Variants in USP7 observed in about 807,000 individuals in gnomAD.
The protein encoded by USP7 is ubiquitin C-terminal hydrolase 7.
USP7 carries 9 observed loss-of-function variants against 162.9 expected under a neutral mutation model. The observed-to-expected ratio is 0.06, with a 90% confidence interval of 0.03 to 0.10. The LOEUF (loss-of-function observed/expected upper bound fraction) is 0.10, where lower values mean the gene tolerates loss of function less well. USP7 is among the 10% of genes least tolerant of loss of function. The probability of loss-of-function intolerance (pLI) is 1.00; values close to 1 mark genes in which losing one functional copy is unlikely to be tolerated. For missense variants in USP7, 715 were observed against 1,373.7 expected (o/e 0.52, Z 7.58); for synonymous variants, 562 against 475.9 (o/e 1.18, Z -2.35).
intron 8 of USP7, 101 bp from the exon 9 acceptor site, chr16:8,915,626 T>C (rs1194413699): frequency 2.8e-6 from 3 of 1,066,320 alleles, no homozygotes; most frequent in African/African-American, 1.6e-5. Flanking sequence ...AAAGAAGTTG[T>C]AGACTATAAA....
intron 5 of USP7, 52 bp downstream of exon 5, chr16:8,920,307 C>T: frequency 6.7e-7 from 1 of 1,489,562 alleles, no homozygotes; most frequent in Non-Finnish European, 9.2e-7. Context: ...AAGCTTCTTT[C>T]ACTGCAGCAC....
chr16:8,904,190 C>A (rs779175726), intron 15 of USP7, among the ~76,000 whole-genome samples: 3 of 152,230 alleles, frequency 2.0e-5, no homozygotes, highest in African/African-American at 4.8e-5. Flanking sequence ...AGGAACTACT[C>A]TGGGACTGTG....
At position 8,898,658 on chromosome 16, in the gene USP7, T is replaced by C. The variant is rs370122792; in HGVS notation, c.2532-19A>G. ...CCTATAACTACACAAGAAAACAGCATATAAATAAATGACTTGTTTATTTGC... is the reference window on the plus strand; with the variant it reads ...CCTATAACTACACAAGAAAACAGCACATAAATAAATGACTTGTTTATTTGC... On this transcript the variant is annotated intron_variant, in intron 23 of 30. Transcript: ENST00000344836. The C allele has an allele frequency of 9.2e-5, 141 of 1,537,962 alleles. No homozygotes were observed. In the African/African-American group the frequency reaches 1.7e-3, roughly 19 times the overall value.
At chr16:8,906,316 T>C in intron 13 of USP7, 110 bp downstream of exon 13, 1 of 1,259,632 alleles carries the variant, frequency 7.9e-7, no homozygotes, top group South Asian at 1.6e-5. Context: ...AATACATAGA[T>C]CAGTTAGGGG....
intron 12 of USP7, among the ~76,000 whole-genome samples, chr16:8,906,989 A>C (rs574797966): frequency 6.6e-5 from 10 of 152,360 alleles, no homozygotes; most frequent in African/African-American, 2.2e-4. Context: ...TGGCTCTACA[A>C]ATTTTGATTT....
At chr16:8,948,750 A>T (rs990836272) in intron 1 of USP7, among the ~76,000 whole-genome samples, 3 of 152,034 alleles carry the variant, frequency 2.0e-5, no homozygotes, top group African/African-American at 7.2e-5. Context: ...CACAACGATA[A>T]AAGCAGCCAA....
intron 1 of USP7, among the ~76,000 whole-genome samples, chr16:8,941,594 A>C (rs1002886065): frequency 1.3e-5 from 2 of 152,218 alleles, no homozygotes; most frequent in African/African-American, 4.8e-5. Flanking sequence ...AGTGTAAATA[A>C]GTTAGTCTGC....
intron 1 of USP7, among the ~76,000 whole-genome samples, chr16:8,949,292 G>A (rs1395374141): frequency 2.6e-5 from 4 of 152,122 alleles, no homozygotes; most frequent in African/African-American, 4.8e-5. Flanking sequence ...ATTTAACATC[G>A]TGGCACGTTC....
chr16:8,902,830 G>A (rs2061797236), intron 16 of USP7, among the ~76,000 whole-genome samples: 1 of 152,174 alleles, frequency 6.6e-6, no homozygotes, highest in East Asian at 1.9e-4. Context: ...GGAGGTTGCA[G>A]TGAGCCAAGA....
intron 1 of USP7, among the ~76,000 whole-genome samples, chr16:8,943,615 C>T (rs78932417): frequency 0.046 from 6,944 of 152,150 alleles, 215 homozygotes; most frequent in Middle Eastern, 0.14. Context: ...GCTGGATTAA[C>T]GGTGAAAAGC....
chr16:8,945,493 T>G (rs892665454), intron 1 of USP7, among the ~76,000 whole-genome samples: 2 of 152,210 alleles, frequency 1.3e-5, no homozygotes, highest in Non-Finnish European at 2.9e-5. Flanking sequence ...CAGTTCAACC[T>G]ATAAACCAAC....
At chr16:8,894,702 T>C (rs976661525) in intron 29 of USP7, 62 bp from the exon 30 acceptor site, 17 of 1,611,670 alleles carry the variant, frequency 1.1e-5, no homozygotes, top group Admixed American at 1.7e-5. Context: ...CTCACATCTC[T>C]GGCAAAAAAG....
At chr16:8,915,832 T>C (rs1897340762) in intron 8 of USP7, among the ~76,000 whole-genome samples, 1 of 152,224 alleles carries the variant, frequency 6.6e-6, no homozygotes, top group Non-Finnish European at 1.5e-5. Context: ...AATTGTTCAC[T>C]AAACTTAACT....
At chr16:8,932,295 T>C (rs1485567575) in intron 1 of USP7, among the ~76,000 whole-genome samples, 2 of 152,224 alleles carry the variant, frequency 1.3e-5, no homozygotes, top group African/African-American at 4.8e-5. Context: ...GTCCGACCCG[T>C]GGCTCACTGC....
At chr16:8,926,430 G>C (rs551183184) in intron 2 of USP7, among the ~76,000 whole-genome samples, 1 of 152,288 alleles carries the variant, frequency 6.6e-6, no homozygotes, top group Admixed American at 6.5e-5. Flanking sequence ...ACTGAGCTGA[G>C]ATCATGGCAT....
At chr16:8,956,248 A>C (rs1165523785) in intron 1 of USP7, 1 of 152,128 alleles carries the variant, frequency 6.6e-6, no homozygotes, top group Admixed American at 6.6e-5. Context: ...TTCACAAGGG[A>C]GCCTCCTTCC....
chr16:8,900,698 TC>T, intron 20 of USP7, 68 bp from the exon 21 acceptor site: 5 of 1,170,580 alleles, frequency 4.3e-6, no homozygotes, highest in Non-Finnish European at 6.2e-6. Context: ...CAGATAGTCT[TC>T]CATGTACTTA....
intron 1 of USP7, chr16:8,949,713 T>C (rs999834986): frequency 6.6e-6 from 1 of 152,318 alleles, no homozygotes; most frequent in Admixed American, 6.5e-5. Context: ...CCCTCATTAT[T>C]TGCTCATATG....
At chr16:8,901,949 A>G in intron 18 of USP7, 133 bp downstream of exon 18, 1 of 753,614 alleles carries the variant, frequency 1.3e-6, no homozygotes, top group South Asian at 1.8e-5. Context: ...CAGGAAGTCT[A>G]GTGAGCTTTT....
Sources: allele counts gnomAD v4.1 joint callset (sites outside exome capture counted in the v4.1 genomes callset), GRCh38; gene constraint gnomAD v4.1.1; transcripts MANE v1.5; gene names NCBI Gene and HGNC (gene_info 2026-07-23, HGNC 2026-07-21).